ART3: variants seen among roughly 807,000 people sequenced by gnomAD.
ART3 encodes ecto-ADP-ribosyltransferase 3.
In ART3, 49 loss-of-function variants were observed where a neutral mutation model predicts 48.5. That is an observed-to-expected ratio of 1.01 (90% CI 0.80 to 1.28). The LOEUF (loss-of-function observed/expected upper bound fraction) is 1.28, where lower values mean the gene tolerates loss of function less well. Among genes scored for constraint, ART3 ranks in the 50% most tolerant of loss-of-function variants. The pLI, the probability that ART3 is intolerant of heterozygous loss-of-function variation, is 0.00. For missense variants in ART3, 438 were observed against 454.3 expected (o/e 0.96, Z 0.33); for synonymous variants, 145 against 157.2 (o/e 0.92, Z 0.58).
chr4:76,022,197 T>C (rs980452162), intron 1 of ART3, among the ~76,000 whole-genome samples: 1 of 152,222 alleles, frequency 6.6e-6, no homozygotes, highest in Non-Finnish European at 1.5e-5. Flanking sequence ...CTGATACTTA[T>C]CACACAAGAT....
chr4:76,099,955 T>C (rs896226627), intron 5 of ART3, among the ~76,000 whole-genome samples: 3 of 152,264 alleles, frequency 2.0e-5, no homozygotes, highest in African/African-American at 7.2e-5. Context: ...GCCCTTCTTT[T>C]TATTGTTCCG....
chr4:76,100,657 G>T, intron 6 of ART3, 138 bp from the exon 7 acceptor site: 1 of 1,009,696 alleles, frequency 9.9e-7, no homozygotes. Flanking sequence ...AATTCTGGGG[G>T]CTTGCATTTT....
intron 1 of ART3, among the ~76,000 whole-genome samples, chr4:76,013,008 G>T (rs1731938730): frequency 6.6e-6 from 1 of 152,124 alleles, no homozygotes. Context: ...TCACATATGT[G>T]AACAATGATT....
chr4:76,034,965 T>C, intron 1 of ART3: 1 of 1,417,856 alleles, frequency 7.1e-7, no homozygotes, highest in Admixed American at 1.7e-5. Flanking sequence ...AATCTTTCTG[T>C]AGTTGTCCAC....
intron 1 of ART3, among the ~76,000 whole-genome samples, chr4:76,050,886 A>G (rs1736005772): frequency 6.6e-6 from 1 of 152,214 alleles, no homozygotes; most frequent in African/African-American, 2.4e-5. Context: ...CACCCTCCGC[A>G]GCTGCTAGCC....
At chr4:76,094,884 T>G (rs1299116991) in intron 3 of ART3, among the ~76,000 whole-genome samples, 1 of 152,228 alleles carries the variant, frequency 6.6e-6, no homozygotes, top group Non-Finnish European at 1.5e-5. Context: ...CTGGAAAAAT[T>G]TTAAACTACT....
At chr4:76,013,604 G>A (rs1732002094) in intron 1 of ART3, among the ~76,000 whole-genome samples, 1 of 152,076 alleles carries the variant, frequency 6.6e-6, no homozygotes, top group Non-Finnish European at 1.5e-5. Context: ...TTCCAATAAT[G>A]TCTCAGTAAT....
At chr4:76,110,514 T>C (rs4339237) in intron 11 of ART3, among the ~76,000 whole-genome samples, 27,141 of 151,996 alleles carry the variant, frequency 0.18, 2,540 homozygotes, top group East Asian at 0.37. Context: ...TTGTTTGAAA[T>C]AGAAGACACA....
chr4:76,071,236 T>C (rs1017395874), upstream of ART3, among the ~76,000 whole-genome samples: 1 of 151,856 alleles, frequency 6.6e-6, no homozygotes, highest in African/African-American at 2.4e-5. Context: ...TACTCTGGAA[T>C]CTGAGGCAGG....
At chr4:76,055,610 C>T (rs1431359743) in intron 1 of ART3, among the ~76,000 whole-genome samples, 2 of 152,060 alleles carry the variant, frequency 1.3e-5, no homozygotes, top group African/African-American at 4.8e-5. Flanking sequence ...CCAAGCCTCC[C>T]TGGAAAATAG....
intron 10 of ART3, 61 bp downstream of exon 10, chr4:76,104,690 T>C: frequency 3.3e-6 from 5 of 1,531,384 alleles, no homozygotes; most frequent in Non-Finnish European, 4.4e-6. Flanking sequence ...CAGTCACCAT[T>C]AGATATGCAT....
At chr4:76,057,161 T>A (rs1393156563) in intron 1 of ART3, among the ~76,000 whole-genome samples, 4 of 152,194 alleles carry the variant, frequency 2.6e-5, no homozygotes, top group Non-Finnish European at 2.9e-5. Context: ...TTCATAATAT[T>A]GATATGTGTT....
At chr4:76,112,127 A>G (rs1729608630) in intron 11 of ART3, 2 of 377,670 alleles carry the variant, frequency 5.3e-6, no homozygotes, top group Non-Finnish European at 4.7e-6. Context: ...GTTTTTGGGA[A>G]TCAGGTTACA....
chr4:76,072,777 C>A (rs12511357), upstream of ART3, among the ~76,000 whole-genome samples: 30,586 of 150,984 alleles, frequency 0.2, 5,295 homozygotes, highest in African/African-American at 0.47. Context: ...TTGTACTACT[C>A]TAATGTTCCA....
At chr4:76,093,940 A>G (rs1725467064) in intron 3 of ART3, among the ~76,000 whole-genome samples, 1 of 152,160 alleles carries the variant, frequency 6.6e-6, no homozygotes, top group South Asian at 2.1e-4. Flanking sequence ...TGGTATTTGG[A>G]GGTTGGGCCT....
At chr4:76,080,131 C>T (rs1231229947) in intron 2 of ART3, among the ~76,000 whole-genome samples, 2 of 152,140 alleles carry the variant, frequency 1.3e-5, no homozygotes, top group Admixed American at 6.5e-5. Context: ...TGTAGAAACT[C>T]ATAAATGGTA....
chr4:76,025,703 A>G (rs868229361), intron 1 of ART3, among the ~76,000 whole-genome samples: 2 of 152,336 alleles, frequency 1.3e-5, no homozygotes. Context: ...AATGTTTCTT[A>G]GATTCATCGA....
intron 1 of ART3, among the ~76,000 whole-genome samples, chr4:76,058,986 GA>G (rs1718931995): frequency 1.3e-5 from 2 of 152,218 alleles, no homozygotes; most frequent in African/African-American, 4.8e-5. Context: ...ATTACAGCTT[GA>G]AGTTTGCCTT....
At chr4:76,036,397 C>G (rs1480689918) in intron 1 of ART3, among the ~76,000 whole-genome samples, 1 of 152,126 alleles carries the variant, frequency 6.6e-6, no homozygotes, top group Non-Finnish European at 1.5e-5. Context: ...TTGGTCCTTT[C>G]ACCCACCCTT....
Sources: allele counts gnomAD v4.1 joint callset (sites outside exome capture counted in the v4.1 genomes callset), GRCh38; gene constraint gnomAD v4.1.1; transcripts MANE v1.5; gene names NCBI Gene and HGNC (gene_info 2026-07-23, HGNC 2026-07-21).